Variants in PBX3 observed in about 807,000 individuals in gnomAD.
PBX3 encodes the protein PBX homeobox 3, also known as pre-B-cell leukemia transcription factor 3.
In PBX3, 14 loss-of-function variants were observed where a neutral mutation model predicts 48.5. That is an observed-to-expected ratio of 0.29 (90% CI 0.19 to 0.45). PBX3 has a LOEUF of 0.45. Ranked by LOEUF, PBX3 falls within the 20% of genes least tolerant of loss-of-function variation. The pLI is 1.00. For synonymous variants in PBX3, 210 were observed against 200.3 expected (o/e 1.05, Z -0.41); for missense variants, 386 against 546.7 (o/e 0.71, Z 2.93).
Position 125,760,332 on chromosome 9 carries a change from T to C in PBX3, c.274+11709T>C, listed in dbSNP as rs552317465. 3.0e-4 allele frequency among the ~76,000 whole-genome samples: 45 copies of C among 151,462 alleles called. No homozygotes were observed. In the South Asian group the frequency reaches 8.9e-3, roughly 30 times the overall value. ...TTTGCTTTTTAATGATTTAACTCTT[T>C]TAAACAGTGCATCTTTTTGTGCTTC... On this transcript the variant is annotated intron_variant, in intron 2 of 8. Coordinates refer to ENST00000373489, the MANE Select transcript of PBX3 (RefSeq NM_006195.6).
intron 5 of PBX3, among the ~76,000 whole-genome samples, chr9:125,947,353 A>T: frequency 6.6e-6 from 1 of 152,144 alleles, no homozygotes; most frequent in East Asian, 1.9e-4. Flanking sequence ...CACAACAATA[A>T]TGCCTTATAA....
chr9:125,808,969 A>G (rs1355191831), intron 2 of PBX3, among the ~76,000 whole-genome samples: 1 of 152,180 alleles, frequency 6.6e-6, no homozygotes, highest in East Asian at 1.9e-4. Flanking sequence ...AACACCAGAC[A>G]GCACTTACCG....
chr9:125,961,620 A>AC (rs1448976284), intron 6 of PBX3, among the ~76,000 whole-genome samples: 1 of 151,174 alleles, frequency 6.6e-6, no homozygotes, highest in Non-Finnish European at 1.5e-5. Flanking sequence ...TTGTCTCCTC[A>AC]CCCCCCAGTT....
chr9:125,825,606 C>T (rs1252310233), intron 2 of PBX3, among the ~76,000 whole-genome samples: 2 of 151,538 alleles, frequency 1.3e-5, no homozygotes, highest in Non-Finnish European at 2.9e-5. Flanking sequence ...TCATTGTATA[C>T]TCATGAACAA....
chr9:125,953,710 A>G (rs374500248), intron 5 of PBX3, among the ~76,000 whole-genome samples: 20 of 152,178 alleles, frequency 1.3e-4, no homozygotes, highest in African/African-American at 4.3e-4. Context: ...TGTAGCTACA[A>G]AAGGTCACTG....
chr9:125,883,816 T>C (rs1588257296), intron 2 of PBX3, among the ~76,000 whole-genome samples: 1 of 152,196 alleles, frequency 6.6e-6, no homozygotes, highest in Non-Finnish European at 1.5e-5. Context: ...AATAAAACCA[T>C]GTGGCTTCCA....
intron 2 of PBX3, among the ~76,000 whole-genome samples, chr9:125,844,379 G>T (rs1047108818): frequency 6.7e-6 from 1 of 149,618 alleles, no homozygotes; most frequent in Non-Finnish European, 1.5e-5. Flanking sequence ...TATTTATAAT[G>T]GATTCATCAC....
intron 2 of PBX3, among the ~76,000 whole-genome samples, chr9:125,825,579 G>A (rs576021676): frequency 3.1e-4 from 46 of 150,534 alleles, no homozygotes; most frequent in African/African-American, 1.1e-3. Context: ...CATGCTTCAC[G>A]TAGCCTGTTG....
intron 2 of PBX3, among the ~76,000 whole-genome samples, chr9:125,818,207 CCA>C (rs1491317508): frequency 6.7e-6 from 1 of 149,700 alleles, no homozygotes; most frequent in Non-Finnish European, 1.5e-5. Flanking sequence ...CTCAAAAAAA[CCA>C]AAAAAAAAAC....
intron 2 of PBX3, among the ~76,000 whole-genome samples, chr9:125,754,819 G>GT (rs149455103): frequency 0.025 from 3,750 of 152,060 alleles, 60 homozygotes; most frequent in Middle Eastern, 0.045. Flanking sequence ...CTGAATTGGC[G>GT]TAACTTTTTT....
At chr9:125,923,947 C>G (rs1841512701) in intron 3 of PBX3, among the ~76,000 whole-genome samples, 2 of 152,112 alleles carry the variant, frequency 1.3e-5, no homozygotes, top group South Asian at 4.1e-4. Flanking sequence ...TGACTTCAGC[C>G]TTGATCTTCT....
Position 125,931,134 on chromosome 9 carries a change from TG to T in PBX3, c.707+1294del, listed in dbSNP as rs372309866. 2.8e-4 allele frequency among the ~76,000 whole-genome samples: 43 copies of T among 152,312 alleles called. 1 individual carries two copies. In the East Asian group the frequency reaches 3.7e-3, roughly 13 times the overall value. On this transcript the variant is annotated intron_variant, in intron 4 of 8. Transcript: ENST00000373489. ...AATATTCTCTCTCTTTTTGTTTGTT[TG>T]GGGGCTTTTTAAAAGAAATATTTCT...
At chr9:125,777,015 C>CTT (rs11446623) in intron 2 of PBX3, among the ~76,000 whole-genome samples, 196 of 145,844 alleles carry the variant, frequency 1.3e-3, no homozygotes, top group African/African-American at 2.3e-3. Flanking sequence ...CTTTTCTTTT[C>CTT]TTTTTTTTTT....
chr9:125,936,838 A>G (rs1841846867), intron 5 of PBX3, among the ~76,000 whole-genome samples: 1 of 152,238 alleles, frequency 6.6e-6, no homozygotes, highest in African/African-American at 2.4e-5. Flanking sequence ...TATATTATAT[A>G]AAACATTACT....
rs550576318 is a variant in PBX3, at chr9:125,880,750, A to G, written c.275-34936A>G. The stretch of plus-strand genomic sequence containing the variant: ...GTTATCTTTTAGAAAAAATTTTAAT[A>G]TATCCAAAATGTTAATGAAAATGTC... On this transcript the variant is annotated intron_variant, in intron 2 of 8. Coordinates refer to ENST00000373489, the MANE Select transcript of PBX3 (RefSeq NM_006195.6). Among the ~76,000 whole-genome samples, 19 of 152,332 alleles carry G rather than the reference A, an allele frequency of 1.2e-4. No homozygotes were observed. The South Asian group carries it at 3.1e-3, about 25-fold the overall frequency.
intron 2 of PBX3, among the ~76,000 whole-genome samples, chr9:125,855,070 T>C (rs549661399): frequency 7.9e-5 from 12 of 152,350 alleles, no homozygotes; most frequent in Admixed American, 5.9e-4. Context: ...TTCTGGCTTA[T>C]CTGCATGGAG....
chr9:125,754,712 A>G (rs1451363489), intron 2 of PBX3, among the ~76,000 whole-genome samples: 2 of 152,044 alleles, frequency 1.3e-5, no homozygotes, highest in African/African-American at 2.4e-5. Context: ...ATTCCATAGT[A>G]TAATATGTTT....
chr9:125,963,344 A>G (rs942962895), intron 8 of PBX3, among the ~76,000 whole-genome samples: 3 of 152,174 alleles, frequency 2.0e-5, no homozygotes, highest in African/African-American at 7.2e-5. Context: ...GCATCAGCCC[A>G]TTAAGACGCC....
intron 2 of PBX3, among the ~76,000 whole-genome samples, chr9:125,806,668 CAT>C (rs987721129): frequency 1.3e-5 from 2 of 152,176 alleles, no homozygotes; most frequent in African/African-American, 4.8e-5. Flanking sequence ...GGAGAGGGCA[CAT>C]GTGTTCAAAT....
Sources: gnomAD v4.1 joint callset for allele counts (sites outside exome capture counted in the v4.1 genomes callset) on GRCh38, gnomAD v4.1.1 for gene constraint, MANE v1.5 for transcripts, NCBI Gene and HGNC (gene_info 2026-07-23, HGNC 2026-07-21) for gene names.